The following NRXN1 variants were observed in gnomAD, a reference collection of about 807,000 sequenced individuals.
The protein encoded by NRXN1 is neurexin-1.
NRXN1 carries 39 observed loss-of-function variants against 150.9 expected under a neutral mutation model. The ratio of observed to expected loss-of-function variants is 0.26; its 90% CI spans 0.20 to 0.34. NRXN1 has a LOEUF of 0.34. Ranked by LOEUF, NRXN1 falls within the 10% of genes least tolerant of loss-of-function variation. NRXN1 has a pLI of 1.00. For synonymous variants in NRXN1, 924 were observed against 757.0 expected (o/e 1.22, Z -3.62); for missense variants, 1,815 against 1,949.9 (o/e 0.93, Z 1.30).
chr2:50,731,314 A>T (rs1385982333), intron 5 of NRXN1, among the ~76,000 whole-genome samples: 1 of 152,226 alleles, frequency 6.6e-6, no homozygotes, highest in Non-Finnish European at 1.5e-5. Flanking sequence ...TACTATAAAA[A>T]CTAAACAGAA....
intron 2 of NRXN1, among the ~76,000 whole-genome samples, chr2:50,976,123 T>C (rs1695786589): frequency 6.6e-6 from 1 of 152,012 alleles, no homozygotes; most frequent in Admixed American, 6.6e-5. Flanking sequence ...CTTGTACTGT[T>C]TTCAAATGCC....
intron 9 of NRXN1, among the ~76,000 whole-genome samples, chr2:50,549,553 G>C (rs748853949): frequency 6.6e-6 from 1 of 152,164 alleles, no homozygotes; most frequent in East Asian, 1.9e-4. Flanking sequence ...CTCATGCTTC[G>C]TTTATTTTCT....
At chr2:50,595,325 C>T (rs2473) in intron 8 of NRXN1, among the ~76,000 whole-genome samples, 123,490 of 151,674 alleles carry the variant, frequency 0.81, 50,765 homozygotes, top group East Asian at 0.94. Flanking sequence ...TATGAGATGC[C>T]TTGATGTTAT....
chr2:50,983,499 A>C (rs1390451462), intron 2 of NRXN1, among the ~76,000 whole-genome samples: 1 of 152,108 alleles, frequency 6.6e-6, no homozygotes, highest in East Asian at 1.9e-4. Flanking sequence ...TTACTATAAA[A>C]GAACATGGCT....
intron 5 of NRXN1, among the ~76,000 whole-genome samples, chr2:50,697,086 C>T (rs538389080): frequency 3.9e-4 from 59 of 152,162 alleles, no homozygotes; most frequent in African/African-American, 1.3e-3. Flanking sequence ...GAATACCCTG[C>T]AACCTCTCAA....
chr2:50,781,093 T>C (rs1262460703), intron 5 of NRXN1, among the ~76,000 whole-genome samples: 1 of 152,090 alleles, frequency 6.6e-6, no homozygotes, highest in African/African-American at 2.4e-5. Flanking sequence ...GCAGCCAGAG[T>C]ATCAGCAATT....
At chr2:50,229,048 T>G (rs2152868043) in intron 18 of NRXN1, among the ~76,000 whole-genome samples, 1 of 152,158 alleles carries the variant, frequency 6.6e-6, no homozygotes, top group South Asian at 2.1e-4. Context: ...CCATAAAAAT[T>G]ATGTCTAGTC....
Position 50,591,598 on chromosome 2 carries a change from G to C in NRXN1, c.1320+28424C>G, listed in dbSNP as rs184881956. Among the ~76,000 whole-genome samples the C allele has an allele frequency of 3.0e-3, 455 of 152,236 alleles. 1 individual carries two copies. Among genetic ancestry groups the C allele is most frequent in the African/African-American group, 0.011 (442 of 41,546 alleles). ...AATGCCTATGATTTCCTTCTTCTTT[G>C]AAGTTTCCTCACATCTTATTCCAGT... On this transcript the variant is annotated intron_variant, in intron 8 of 22. Coordinates refer to ENST00000401669, the MANE Select transcript of NRXN1 (RefSeq NM_001330078.2).
intron 15 of NRXN1, among the ~76,000 whole-genome samples, chr2:50,495,380 G>GGTGTGT (rs1157611088): frequency 2.2e-3 from 40 of 17,784 alleles, no homozygotes; most frequent in East Asian, 8.3e-3. Context: ...GTGTGTGTGT[G>GGTGTGT]GTGTGTGTGT....
At chr2:50,850,812 A>C (rs1286350849) in intron 5 of NRXN1, among the ~76,000 whole-genome samples, 1 of 152,144 alleles carries the variant, frequency 6.6e-6, no homozygotes, top group African/African-American at 2.4e-5. Context: ...ATAGACCAAA[A>C]TATGCTCAAA....
At chr2:50,738,340 T>C (rs746681092) in intron 5 of NRXN1, among the ~76,000 whole-genome samples, 4 of 152,226 alleles carry the variant, frequency 2.6e-5, no homozygotes, top group Non-Finnish European at 4.4e-5. Flanking sequence ...GAAGTAGCAG[T>C]TGTGTATGTA....
intron 17 of NRXN1, among the ~76,000 whole-genome samples, chr2:50,297,481 C>T (rs1454065360): frequency 1.3e-5 from 2 of 152,114 alleles, no homozygotes; most frequent in Admixed American, 1.3e-4. Context: ...TTGTACAAAG[C>T]TAACAGGTTG....
intron 9 of NRXN1, among the ~76,000 whole-genome samples, chr2:50,551,036 G>GA (rs1667401050): frequency 3.9e-5 from 4 of 101,670 alleles, no homozygotes; most frequent in East Asian, 7.5e-4. Flanking sequence ...GGAAGAGGAA[G>GA]AGGAAGAGGA....
intron 21 of NRXN1, among the ~76,000 whole-genome samples, chr2:49,971,104 A>T (rs1677878313): frequency 6.6e-6 from 1 of 152,140 alleles, no homozygotes; most frequent in South Asian, 2.1e-4. Context: ...TAAACTTAAT[A>T]TAGACAAAGG....
intron 18 of NRXN1, among the ~76,000 whole-genome samples, chr2:50,097,763 C>T (rs942435151): frequency 3.3e-5 from 5 of 152,034 alleles, no homozygotes; most frequent in Non-Finnish European, 5.9e-5. Context: ...CCTCAGCCTC[C>T]GAAGTAGCTG....
intron 17 of NRXN1, among the ~76,000 whole-genome samples, chr2:50,381,049 A>C (rs550845543): frequency 3.9e-5 from 6 of 152,084 alleles, no homozygotes; most frequent in Non-Finnish European, 8.8e-5. Context: ...GTGTGCTTTC[A>C]TAGATAAGTC....
At chr2:50,406,129 A>G (rs2082734356) in intron 17 of NRXN1, among the ~76,000 whole-genome samples, 1 of 152,086 alleles carries the variant, frequency 6.6e-6, no homozygotes, top group Non-Finnish European at 1.5e-5. Context: ...TTGATGCCAT[A>G]TCATGCTTTT....
intron 21 of NRXN1, among the ~76,000 whole-genome samples, chr2:50,039,960 T>A (rs1324218088): frequency 3.3e-5 from 5 of 152,266 alleles, no homozygotes; most frequent in Admixed American, 3.3e-4. Context: ...ATATGATATT[T>A]AACTCATAAA....
At chr2:49,929,404 G>C (rs1303182283) in intron 22 of NRXN1, among the ~76,000 whole-genome samples, 2 of 152,124 alleles carry the variant, frequency 1.3e-5, no homozygotes, top group Non-Finnish European at 2.9e-5. Flanking sequence ...TATGTCCACA[G>C]CTTAGTCATC....
Sources: allele counts gnomAD v4.1 joint callset (sites outside exome capture counted in the v4.1 genomes callset), GRCh38; gene constraint gnomAD v4.1.1; transcripts MANE v1.5; gene names NCBI Gene and HGNC (gene_info 2026-07-23, HGNC 2026-07-21).